Variants in KIRREL3 observed in about 807,000 individuals in gnomAD.
KIRREL3 encodes kirre like nephrin family adhesion molecule 3.
Under a neutral mutation model 89.7 loss-of-function variants are expected in KIRREL3, and 36 were observed. The ratio of observed to expected loss-of-function variants is 0.40; its 90% CI spans 0.31 to 0.53. The LOEUF (loss-of-function observed/expected upper bound fraction) is 0.53. KIRREL3 is among the 20% of genes least tolerant of loss of function. The probability of loss-of-function intolerance (pLI) is 0.49; values close to 1 mark genes in which losing one functional copy is unlikely to be tolerated. For synonymous variants in KIRREL3, 445 were observed against 441.4 expected, an observed-to-expected ratio of 1.01 and a Z score of -0.10; for missense variants, 864 against 1,056.6, an observed-to-expected ratio of 0.82 and a Z score of 2.53.
chr11:126,449,167 AG>A lies in KIRREL3; in HGVS notation c.849-11del. Reference sequence around the variant, plus strand: ...GCCCCGCTTGGCCCACCTGCAACAAAGGCCAGGGGCTGATGTGGGCCTTGAG... The same window carrying A: ...GCCCCGCTTGGCCCACCTGCAACAAAGCCAGGGGCTGATGTGGGCCTTGAG... On this transcript the variant is annotated splice_polypyrimidine_tract_variant and intron_variant, in intron 7 of 16. Transcript: ENST00000525144. 2 of 1,613,560 alleles carry A rather than the reference AG, an allele frequency of 1.2e-6. No individual in the cohort carries two copies. The highest frequency in any genetic ancestry group is 1.7e-6 in the Non-Finnish European group (2 of 1,179,622).
In KIRREL3 at chr11:126,429,451, T is replaced by C. The variant is rs1239215176; in HGVS notation, c.1697-163A>G. Among the ~76,000 whole-genome samples, 1 of 152,098 alleles carries C rather than the reference T, an allele frequency of 6.6e-6. No individual in the cohort carries two copies. The highest frequency in any genetic ancestry group is 1.5e-5 in the Non-Finnish European group (1 of 68,036). On this transcript the variant is annotated intron_variant, in intron 14 of 16. Transcript: ENST00000525144. This position sits in a 1 kb window ranked among gnomAD's most constrained non-coding sequence, Gnocchi z 5.2. Reference sequence around the variant, plus strand: ...GCCCCCCACCAATAGAACCTCCATATGGAGATGCTGTGGGTGTTTGGGCCT... The same window carrying C: ...GCCCCCCACCAATAGAACCTCCATACGGAGATGCTGTGGGTGTTTGGGCCT...
chr11:126,437,677 G>A (rs1344914817), intron 11 of KIRREL3, among the ~76,000 whole-genome samples: 3 of 149,804 alleles, frequency 2.0e-5, no homozygotes, highest in African/African-American at 2.5e-5. Context: ...TGGCAGACAC[G>A]ACACCACATC....
rs1194089025 is a variant in KIRREL3, at chr11:126,447,024, C to A, written c.998-138G>T. Reference sequence around the variant, plus strand: ...GGTACTTGTGCCACCTCAGTCGCTTCCATTTTAAGTCTTATGTCCGGGCGG... The same window carrying A: ...GGTACTTGTGCCACCTCAGTCGCTTACATTTTAAGTCTTATGTCCGGGCGG... On this transcript the variant is annotated intron_variant, in intron 8 of 16. Coordinates refer to ENST00000525144, the MANE Select transcript of KIRREL3 (RefSeq NM_032531.4). 4 of 1,070,068 alleles carry A rather than the reference C, an allele frequency of 3.7e-6. No individual in the cohort carries two copies. The African/African-American group carries it at 6.3e-5, about 17-fold the overall frequency. 66.3% of individuals were successfully genotyped at this position (1,070,068 alleles called of 1,614,324 possible). A position where few individuals can be genotyped will look rare whatever the true frequency, so the allele number is the denominator to read the frequency against.
chr11:126,640,504 G>T lies in KIRREL3; in HGVS notation c.56-77592C>A, dbSNP rs1376268704. On this transcript the variant is annotated intron_variant, in intron 1 of 16. Coordinates refer to ENST00000525144, the MANE Select transcript of KIRREL3 (RefSeq NM_032531.4). The surrounding 1 kb of genome is among the most constrained non-coding windows in gnomAD (Gnocchi z 4.9). ...CATTACATGCATAGATCTGAGAGAA[G>T]AATTTGGCCTCTGAATTAAGTCAGC... 6.6e-6 allele frequency among the ~76,000 whole-genome samples: 1 copy of T among 152,190 alleles called. No individual in the cohort carries two copies. The highest frequency in any genetic ancestry group is 1.5e-5 in the Non-Finnish European group (1 of 68,032).
chr11:126,486,912 T>C lies in KIRREL3; in HGVS notation c.434-13446A>G, dbSNP rs544219749. Among the ~76,000 whole-genome samples, 1 of 152,028 alleles carries C rather than the reference T, an allele frequency of 6.6e-6. No individual in the cohort carries two copies. The highest frequency in any genetic ancestry group is 2.1e-4 in the South Asian group (1 of 4,810). ...GGAGTGTCCCCGCTGGTCCCATAAA[T>C]AGAAGCAGAACTGATATAGTTGGTT... On this transcript the variant is annotated intron_variant, in intron 4 of 16. Transcript: ENST00000525144. The surrounding 1 kb of genome is among the most constrained non-coding windows in gnomAD (Gnocchi z 6.2).
rs1166386959 is a variant in KIRREL3 at position 126,948,210 on chromosome 11, T to C, written c.55+52245A>G. Reference sequence around the variant, plus strand: ...CCTACCACGCTTGATGTCTTTCTCCTTTGATTTAATAAGAAACCAATTCTA... The same window carrying C: ...CCTACCACGCTTGATGTCTTTCTCCCTTGATTTAATAAGAAACCAATTCTA... On this transcript the variant is annotated intron_variant, in intron 1 of 16. Transcript: ENST00000525144. This position sits in a 1 kb window ranked among gnomAD's most constrained non-coding sequence, Gnocchi z 4.5. Among the ~76,000 whole-genome samples, 1 of 152,212 alleles carries C rather than the reference T, an allele frequency of 6.6e-6. No individual in the cohort carries two copies. Among genetic ancestry groups the C allele is most frequent in the Non-Finnish European group, 1.5e-5 (1 of 68,040 alleles).
intron 1 of KIRREL3, among the ~76,000 whole-genome samples, chr11:126,857,516 C>A (rs1390040935): frequency 6.6e-6 from 1 of 152,156 alleles, no homozygotes; most frequent in Non-Finnish European, 1.5e-5. Context: ...TTGGCATCAT[C>A]CCTGTCTCTA....
At chr11:126,959,812 C>T (rs958139383) in intron 1 of KIRREL3, among the ~76,000 whole-genome samples, 1 of 152,152 alleles carries the variant, frequency 6.6e-6, no homozygotes. Context: ...CATTAGTCCT[C>T]CAGGATGTGG....
Position 126,761,740 on chromosome 11 carries a change from G to A in KIRREL3, c.56-198828C>T, listed in dbSNP as rs1442698348. ...CAGTGGGCCCCACTCAGCCCCTGGG[G>A]GCTAGAGAAGAGTTATGAGCTGCAC... On this transcript the variant is annotated intron_variant, in intron 1 of 16. Coordinates refer to ENST00000525144, the MANE Select transcript of KIRREL3 (RefSeq NM_032531.4). The surrounding 1 kb of genome is among the most constrained non-coding windows in gnomAD (Gnocchi z 4.4). Among the ~76,000 whole-genome samples, 1 of 152,186 alleles carries A rather than the reference G, an allele frequency of 6.6e-6. No homozygotes were observed. Among genetic ancestry groups the A allele is most frequent in the African/African-American group, 2.4e-5 (1 of 41,438 alleles).
Position 127,000,704 on chromosome 11 carries a change from T to C in KIRREL3, c.-195A>G. On this transcript the variant is annotated 5_prime_UTR_variant, in exon 1 of 17. Transcript: ENST00000525144. The surrounding 1 kb of genome is among the most constrained non-coding windows in gnomAD (Gnocchi z 7.1). ...CTGCAGCCAGCCGACACAAACTGCCTGTTCTTAGCCGCCTCGGGAAGCCGG... is the reference window on the plus strand; with the variant it reads ...CTGCAGCCAGCCGACACAAACTGCCCGTTCTTAGCCGCCTCGGGAAGCCGG... 1 of 545,520 alleles carries C rather than the reference T, an allele frequency of 1.8e-6. No individual in the cohort carries two copies. Among genetic ancestry groups the C allele is most frequent in the Non-Finnish European group, 3.2e-6 (1 of 307,900 alleles). The allele number at this position is 545,520 out of a possible 1,614,324, so 33.8% of individuals were successfully genotyped here. A position where few individuals can be genotyped will look rare whatever the true frequency, so the allele number is the denominator to read the frequency against.
intron 1 of KIRREL3, among the ~76,000 whole-genome samples, chr11:126,979,697 GGTGTTTCCTTCATA>G (rs1389542341): frequency 5.9e-5 from 9 of 152,162 alleles, no homozygotes; most frequent in Non-Finnish European, 1.2e-4. Context: ...TAGAAATAAG[GGTGTTTCCTTCATA>G]GTGTTTCTGT....
At chr11:126,493,908 G>A (rs369857255) in intron 4 of KIRREL3, among the ~76,000 whole-genome samples, 65 of 152,216 alleles carry the variant, frequency 4.3e-4, no homozygotes, top group African/African-American at 1.4e-3. Flanking sequence ...GGTGCAGGCC[G>A]TCCAGCACCA....
rs1946599627 is a variant in KIRREL3 at position 126,906,731 on chromosome 11, G to A, written c.55+93724C>T. On this transcript the variant is annotated intron_variant, in intron 1 of 16. Coordinates refer to ENST00000525144, the MANE Select transcript of KIRREL3 (RefSeq NM_032531.4). This position sits in a 1 kb window ranked among gnomAD's most constrained non-coding sequence, Gnocchi z 4.1. ...AAGGCAAATTAGATCCTGAAAGTCTGCACTGCACTCGGATCCCCAGCACCT... is the reference window on the plus strand; with the variant it reads ...AAGGCAAATTAGATCCTGAAAGTCTACACTGCACTCGGATCCCCAGCACCT... 6.6e-6 allele frequency among the ~76,000 whole-genome samples: 1 copy of A among 152,182 alleles called. No individual in the cohort carries two copies. The highest frequency in any genetic ancestry group is 6.5e-5 in the Admixed American group (1 of 15,280).
chr11:126,743,549 GTA>G (rs1419210614), intron 1 of KIRREL3, among the ~76,000 whole-genome samples: 12 of 152,218 alleles, frequency 7.9e-5, no homozygotes, highest in Admixed American at 7.9e-4. Flanking sequence ...GGCAAATGGG[GTA>G]TTTAAATCTT....
Position 126,791,482 on chromosome 11 carries a change from A to G in KIRREL3, c.55+208973T>C, listed in dbSNP as rs1201083648. The stretch of plus-strand genomic sequence containing the variant: ...TGACGGCATTTGCAGAAAATTGTAC[A>G]TATTGTGCAGATCCATCTCCTTTTC... On this transcript the variant is annotated intron_variant, in intron 1 of 16. Transcript: ENST00000525144. This position sits in a 1 kb window ranked among gnomAD's most constrained non-coding sequence, Gnocchi z 4.8. 6.6e-6 allele frequency among the ~76,000 whole-genome samples: 1 copy of G among 152,222 alleles called. No homozygotes were observed. Among genetic ancestry groups the G allele is most frequent in the Non-Finnish European group, 1.5e-5 (1 of 68,044 alleles).
Position 126,811,972 on chromosome 11 carries a change from G to A in KIRREL3, c.55+188483C>T, listed in dbSNP as rs1946053. Among the ~76,000 whole-genome samples the A allele has an allele frequency of 0.55, 83,671 of 151,944 alleles. 22,951 individuals carry two copies. The highest frequency in any genetic ancestry group is 0.56 in the Non-Finnish European group (38,333 of 67,966). On this transcript the variant is annotated intron_variant, in intron 1 of 16. Coordinates refer to ENST00000525144, the MANE Select transcript of KIRREL3 (RefSeq NM_032531.4). This position sits in a 1 kb window ranked among gnomAD's most constrained non-coding sequence, Gnocchi z 4.3. ...ACAATCTCTGAATTCAGCCCTCCCC[G>A]TCCCCCAGCACTGGTATTGACATAC... is the stretch of plus-strand genomic sequence containing the variant.
chr11:126,962,413 T>A (rs1320215839), intron 1 of KIRREL3, among the ~76,000 whole-genome samples: 1 of 152,126 alleles, frequency 6.6e-6, no homozygotes, highest in East Asian at 1.9e-4. Context: ...TAACTGCAGA[T>A]GTGGTGGAAG....
chr11:126,577,193 G>T (rs953547379), intron 1 of KIRREL3, among the ~76,000 whole-genome samples: 2 of 152,208 alleles, frequency 1.3e-5, no homozygotes, highest in Non-Finnish European at 2.9e-5. Flanking sequence ...TAAGTATGCA[G>T]TTTGGTGGTC....
chr11:126,702,256 C>A (rs1451653243), intron 1 of KIRREL3, among the ~76,000 whole-genome samples: 2 of 152,122 alleles, frequency 1.3e-5, no homozygotes, highest in Admixed American at 6.5e-5. Flanking sequence ...ATAGAATGTA[C>A]CCTATTGATG....
Sources: gnomAD v4.1 joint callset for allele counts (sites outside exome capture counted in the v4.1 genomes callset) on GRCh38, gnomAD v4.1.1 for gene constraint, Gnocchi (gnomAD v3.1) non-coding constraint, MANE v1.5 for transcripts, NCBI Gene and HGNC (gene_info 2026-07-23, HGNC 2026-07-21) for gene names.